The following FAT3 variants were observed in gnomAD, a reference collection of about 807,000 sequenced individuals.
The protein encoded by FAT3 is protocadherin Fat 3.
In FAT3, 95 loss-of-function variants were observed where a neutral mutation model predicts 310.2. The observed-to-expected ratio is 0.31, with a 90% CI of 0.26 to 0.36. The LOEUF (loss-of-function observed/expected upper bound fraction) is 0.36. FAT3 is among the 10% of genes least tolerant of loss of function. The pLI, the probability that FAT3 is intolerant of heterozygous loss-of-function variation, is 1.00. For synonymous variants in FAT3, 2,314 were observed against 2,192.9 expected (o/e 1.06, Z -1.54); for missense variants, 5,408 against 5,715.6 (o/e 0.95, Z 1.74).
At chr11:92,677,540 A>C (rs917944128) in intron 3 of FAT3, among the ~76,000 whole-genome samples, 1 of 152,198 alleles carries the variant, frequency 6.6e-6, no homozygotes, top group Non-Finnish European at 1.5e-5. Flanking sequence ...CCTATAACAG[A>C]ATACCTGAGA....
Position 92,810,092 on chromosome 11 carries a change from G to A in FAT3, c.9481+16G>A, listed in dbSNP as rs1224329642. On this transcript the variant is annotated intron_variant, in intron 13 of 27. Transcript: ENST00000525166. ...CCCGACATTGGTAAGTCAGTTGCAG[G>A]CATCTCCCTGTCACACAGTGGACAC... The A allele has an allele frequency of 1.2e-6, 2 of 1,608,698 alleles. No individual in the cohort carries two copies. The highest frequency in any genetic ancestry group is 1.7e-6 in the Non-Finnish European group (2 of 1,175,952).
chr11:92,739,074 G>A (rs1664849809), intron 4 of FAT3, among the ~76,000 whole-genome samples: 1 of 152,064 alleles, frequency 6.6e-6, no homozygotes, highest in Non-Finnish European at 1.5e-5. Flanking sequence ...TGAGACTTGG[G>A]CCAACCTAGG....
Position 92,799,922 on chromosome 11 carries a change from G to A in FAT3, c.6909G>A (p.Gly2303=), listed in dbSNP as rs544527373. The A allele has an allele frequency of 1.1e-4, 176 of 1,612,664 alleles. 1 individual carries two copies. In the South Asian group the frequency reaches 1.7e-3, roughly 16 times the overall value. ...NTTLSEASLI[G]TPVLQVVSID... is the part of the protein sequence containing the mutation. ...CACTATCAGAAGCATCTCTTATTGG[G>A]ACACCTGTTTTACAAGTTGTCTCTA... Residue 2303 remains glycine, a synonymous_variant, in exon 10 of 28, where the codon GGG becomes GGA. Coordinates refer to ENST00000525166, the MANE Select transcript of FAT3 (RefSeq NM_001367949.2).
intron 3 of FAT3, among the ~76,000 whole-genome samples, chr11:92,592,117 T>C (rs1173669170): frequency 6.6e-6 from 1 of 152,030 alleles, no homozygotes; most frequent in East Asian, 1.9e-4. Context: ...GGATGGAGTA[T>C]ATAGGAACTC....
intron 1 of FAT3, among the ~76,000 whole-genome samples, chr11:92,306,552 TTATATATATTTATATTATATATTA>T (rs1947123373): frequency 4.0e-5 from 5 of 124,318 alleles, no homozygotes; most frequent in South Asian, 2.2e-4. Context: ...ATTATATATG[TTATATATATTTATATTATATATTA>T]TATATATTTA....
chr11:92,593,574 G>C (rs565100218), intron 3 of FAT3, among the ~76,000 whole-genome samples: 1 of 151,950 alleles, frequency 6.6e-6, no homozygotes, highest in East Asian at 1.9e-4. Flanking sequence ...ATAGTCAGTT[G>C]GCTGGTCAAT....
At chr11:92,334,933 A>T (rs1948020749) in intron 1 of FAT3, among the ~76,000 whole-genome samples, 1 of 152,194 alleles carries the variant, frequency 6.6e-6, no homozygotes, top group African/African-American at 2.4e-5. Flanking sequence ...ACCATTGATT[A>T]TACCTGTGGA....
intron 1 of FAT3, among the ~76,000 whole-genome samples, chr11:92,274,465 T>G (rs1211877342): frequency 6.6e-6 from 1 of 152,006 alleles, no homozygotes; most frequent in Non-Finnish European, 1.5e-5. Context: ...AAGACCCAGG[T>G]TTTTTAGCAC....
At chr11:92,333,332 G>A (rs1947967108) in intron 1 of FAT3, among the ~76,000 whole-genome samples, 1 of 152,150 alleles carries the variant, frequency 6.6e-6, no homozygotes, top group Non-Finnish European at 1.5e-5. Flanking sequence ...TGATTCCTGT[G>A]TGTTTCAGAT....
At chr11:92,738,251 T>C (rs1360536962) in intron 4 of FAT3, among the ~76,000 whole-genome samples, 3 of 152,160 alleles carry the variant, frequency 2.0e-5, no homozygotes, top group Non-Finnish European at 4.4e-5. Context: ...CTCAATAATA[T>C]AGATTTTTAC....
At chr11:92,737,556 AGAGAG>A (rs1156905539) in intron 4 of FAT3, among the ~76,000 whole-genome samples, 1 of 151,998 alleles carries the variant, frequency 6.6e-6, no homozygotes, top group Non-Finnish European at 1.5e-5. Flanking sequence ...TGAGAGAGAG[AGAGAG>A]GAATGTTTAT....
chr11:92,867,038 C>A lies in FAT3; in HGVS notation c.11956C>A (p.Leu3986Met), dbSNP rs2136350883. ...TQVLSGFQGCLDSVILNNNEL... is the reference protein window; with the variant it reads ...TQVLSGFQGCMDSVILNNNEL... ...GGTGCTCAGCGGCTTCCAGGGCTGC[C>A]TGGACTCGGTGATACTGAATAACAA... Residue 3986 changes from leucine (L) to methionine (M), a missense_variant, in exon 22 of 28, where the codon CTG (leucine) becomes ATG (methionine). Physicochemically the swap from Leu to Met is conservative, Grantham distance 15. Coordinates refer to ENST00000525166, the MANE Select transcript of FAT3 (RefSeq NM_001367949.2). The A allele has an allele frequency of 6.3e-7, 1 of 1,590,360 alleles. No homozygotes were observed. The highest frequency in any genetic ancestry group is 8.6e-7 in the Non-Finnish European group (1 of 1,168,480).
intron 3 of FAT3, among the ~76,000 whole-genome samples, chr11:92,543,199 A>T (rs541075): frequency 0.38 from 57,386 of 151,668 alleles, 11,696 homozygotes; most frequent in Middle Eastern, 0.52. Context: ...AGAGGATAGG[A>T]AGAGATTAAT....
At chr11:92,822,992 C>G (rs560269244) in intron 13 of FAT3, among the ~76,000 whole-genome samples, 26 of 152,278 alleles carry the variant, frequency 1.7e-4, no homozygotes, top group African/African-American at 5.8e-4. Context: ...AGGACTCAAT[C>G]CATTTGTTTT....
At chr11:92,748,595 A>C (rs760484781) in intron 4 of FAT3, 1 of 152,216 alleles carries the variant, frequency 6.6e-6, no homozygotes, top group African/African-American at 2.4e-5. Context: ...CATAGTAAGT[A>C]TACATCTCCT....
chr11:92,236,618 G>A (rs1166408285), intron 1 of FAT3, among the ~76,000 whole-genome samples: 1 of 152,200 alleles, frequency 6.6e-6, no homozygotes, highest in African/African-American at 2.4e-5. Flanking sequence ...ACAGGAGCAT[G>A]AGAAATGTGT....
In FAT3 at chr11:92,533,332, G is replaced by A. The variant is rs139472327; in HGVS notation, c.3607+8384G>A. On this transcript the variant is annotated intron_variant, in intron 3 of 27. Transcript: ENST00000525166. ...CCACTACACATAGCCCCTGAGCCAC[G>A]TGCTGGATCCCCATCTTCCAGTACG... is the stretch of plus-strand genomic sequence containing the variant. 1.9e-3 allele frequency among the ~76,000 whole-genome samples: 289 copies of A among 152,210 alleles called. 1 individual carries two copies. Among genetic ancestry groups the A allele is most frequent in the African/African-American group, 6.5e-3 (270 of 41,528 alleles).
chr11:92,418,870 A>G (rs756291906), intron 2 of FAT3, among the ~76,000 whole-genome samples: 6 of 152,150 alleles, frequency 3.9e-5, no homozygotes, highest in South Asian at 2.1e-4. Context: ...CTGTCCTTAC[A>G]ATGCTTGCAG....
chr11:92,889,538 GT>G (rs769483981), intron 26 of FAT3, among the ~76,000 whole-genome samples: 8 of 152,144 alleles, frequency 5.3e-5, no homozygotes, highest in Non-Finnish European at 1.0e-4. Flanking sequence ...TTCAACATGT[GT>G]TCATTGAGCA....
Sources: gnomAD v4.1 joint callset for allele counts (sites outside exome capture counted in the v4.1 genomes callset) on GRCh38, gnomAD v4.1.1 for gene constraint, MANE v1.5 for transcripts, NCBI Gene and HGNC (gene_info 2026-07-23, HGNC 2026-07-21) for gene names.